Variants in ART3 observed in about 807,000 individuals in gnomAD.
The protein encoded by ART3 is ecto-ADP-ribosyltransferase 3.
ART3 carries 49 observed loss-of-function variants against 48.5 expected under a neutral mutation model. The observed-to-expected ratio is 1.01, with a 90% CI of 0.80 to 1.28. The LOEUF is 1.28. Ranked by LOEUF, ART3 falls within the 50% of genes most tolerant of loss-of-function variation. ART3 has a pLI of 0.00. For missense variants in ART3, 438 were observed against 454.3 expected (o/e 0.96, Z 0.33); for synonymous variants, 145 against 157.2 (o/e 0.92, Z 0.58).
chr4:76,057,805 C>T (rs910267348), intron 1 of ART3, among the ~76,000 whole-genome samples: 4 of 152,146 alleles, frequency 2.6e-5, no homozygotes, highest in Non-Finnish European at 5.9e-5. Flanking sequence ...GCTATATATG[C>T]GCATAGTTTA....
At chr4:76,089,998 T>G (rs367621194) in intron 3 of ART3, among the ~76,000 whole-genome samples, 6 of 152,270 alleles carry the variant, frequency 3.9e-5, no homozygotes, top group African/African-American at 1.4e-4. Flanking sequence ...GAGAATCACT[T>G]GAACCTGGGA....
At chr4:76,053,801 GTA>G (rs1185541068) in intron 1 of ART3, among the ~76,000 whole-genome samples, 15 of 152,122 alleles carry the variant, frequency 9.9e-5, no homozygotes, top group Admixed American at 6.5e-5. Context: ...GCTGTCATTT[GTA>G]TGTATGTGAG....
rs986102878 is a variant in ART3, at chr4:76,084,787, C to T, written c.781+2252C>T. Among the ~76,000 whole-genome samples the T allele has an allele frequency of 2.2e-4, 34 of 152,156 alleles. 1 individual carries two copies. Among genetic ancestry groups the T allele is most frequent in the Non-Finnish European group, 4.4e-5 (3 of 68,036 alleles). On this transcript the variant is annotated intron_variant, in intron 3 of 11. Transcript: ENST00000355810. ...ATAACCCTTGATTGGTAAAGTGCAT[C>T]TGAGCTGGGAGGATTGTGAATGAAC...
At chr4:76,024,502 C>T (rs1733186666) in intron 1 of ART3, among the ~76,000 whole-genome samples, 1 of 152,188 alleles carries the variant, frequency 6.6e-6, no homozygotes, top group Admixed American at 6.5e-5. Context: ...CTTAATTTCA[C>T]AGCATTCAAT....
intron 1 of ART3, chr4:76,034,776 C>T (rs746178066): frequency 1.4e-5 from 21 of 1,509,454 alleles, no homozygotes; most frequent in Admixed American, 1.7e-5. Flanking sequence ...TCCAGGACTT[C>T]ATATGTTTTG....
At chr4:76,060,462 G>T (rs115011984) in intron 1 of ART3, among the ~76,000 whole-genome samples, 2 of 152,046 alleles carry the variant, frequency 1.3e-5, no homozygotes, top group Non-Finnish European at 2.9e-5. Flanking sequence ...CTAAATGCTA[G>T]TGTTCTCTAG....
chr4:76,028,096 C>A (rs1476838466), intron 1 of ART3, among the ~76,000 whole-genome samples: 1 of 152,108 alleles, frequency 6.6e-6, no homozygotes, highest in Non-Finnish European at 1.5e-5. Flanking sequence ...ACGAAGGACC[C>A]TTCTCTTCTT....
chr4:76,019,254 T>C (rs1372656320), intron 1 of ART3, among the ~76,000 whole-genome samples: 2 of 151,666 alleles, frequency 1.3e-5, no homozygotes, highest in Non-Finnish European at 2.9e-5. Context: ...AAAGCAGTAC[T>C]ATTCTGGTGA....
intron 10 of ART3, among the ~76,000 whole-genome samples, chr4:76,106,734 T>C (rs1170767813): frequency 1.3e-5 from 2 of 152,002 alleles, no homozygotes; most frequent in Admixed American, 6.6e-5. Flanking sequence ...TCAAGAGACT[T>C]CCCCCCCACC....
At chr4:76,083,426 ATTAG>A (rs1437155626) in intron 3 of ART3, among the ~76,000 whole-genome samples, 1 of 152,134 alleles carries the variant, frequency 6.6e-6, no homozygotes, top group African/African-American at 2.4e-5. Context: ...TCTACCGTGT[ATTAG>A]TTAAGAATTT....
In ART3 at chr4:76,074,745, T is replaced by C. The variant is rs1018632868; in HGVS notation, c.-84T>C. 1 of 152,184 alleles carries C rather than the reference T, an allele frequency of 6.6e-6. No homozygotes were observed. The highest frequency in any genetic ancestry group is 2.4e-5 in the African/African-American group (1 of 41,440). 9.4% of individuals were successfully genotyped at this position (152,184 alleles called of 1,614,324 possible). ...ACAACATCCCATCCTGAAGACTTGC[T>C]TACCACAACTGAGAGTGGGGAGTCA... is the stretch of plus-strand genomic sequence containing the variant. On this transcript the variant is annotated 5_prime_UTR_variant, in exon 1 of 12. Transcript: ENST00000355810.
At chr4:76,021,036 C>A in intron 1 of ART3, 1 of 152,180 alleles carries the variant, frequency 6.6e-6, no homozygotes, top group Non-Finnish European at 1.5e-5. Flanking sequence ...ATGCCACCTT[C>A]TTCTCCAGGC....
chr4:76,096,928 ATTG>A (rs1434647292), intron 3 of ART3, among the ~76,000 whole-genome samples: 2 of 152,168 alleles, frequency 1.3e-5, no homozygotes, highest in African/African-American at 4.8e-5. Flanking sequence ...AAGGATAGGA[ATTG>A]TTGTAGTAGA....
At chr4:76,025,949 AC>A (rs1259630414) in intron 1 of ART3, among the ~76,000 whole-genome samples, 1 of 152,108 alleles carries the variant, frequency 6.6e-6, no homozygotes, top group Non-Finnish European at 1.5e-5. Flanking sequence ...TATTTAAAAA[AC>A]GTAAGTGATC....
intron 1 of ART3, among the ~76,000 whole-genome samples, chr4:76,014,870 C>T (rs1160460276): frequency 6.6e-6 from 1 of 151,932 alleles, no homozygotes; most frequent in Non-Finnish European, 1.5e-5. Flanking sequence ...TTATCAGAAG[C>T]CAAGGAAGCA....
intron 11 of ART3, 92 bp downstream of exon 11, chr4:76,107,885 A>C (rs1728778387): frequency 1.8e-6 from 2 of 1,100,144 alleles, no homozygotes; most frequent in Non-Finnish European, 2.6e-6. Context: ...AAAGGGAACA[A>C]AGTTGCAAGG....
intron 1 of ART3, among the ~76,000 whole-genome samples, chr4:76,030,906 G>A (rs755172234): frequency 3.9e-5 from 6 of 152,004 alleles, no homozygotes; most frequent in Non-Finnish European, 5.9e-5. Context: ...CTGCTTTCTG[G>A]CTGTTGTGTA....
At chr4:76,028,173 G>GA (rs1295188479) in intron 1 of ART3, among the ~76,000 whole-genome samples, 2 of 90,928 alleles carry the variant, frequency 2.2e-5, no homozygotes, top group Admixed American at 1.4e-4. Context: ...AAATCATTTA[G>GA]AAAAAAAAAA....
intron 3 of ART3, among the ~76,000 whole-genome samples, chr4:76,083,797 T>C (rs1399627648): frequency 5.9e-5 from 9 of 152,218 alleles, no homozygotes; most frequent in Non-Finnish European, 8.8e-5. Context: ...CCAGAGAAGC[T>C]TGGGAAGGGG....
Sources: allele counts gnomAD v4.1 joint callset (sites outside exome capture counted in the v4.1 genomes callset), GRCh38; gene constraint gnomAD v4.1.1; transcripts MANE v1.5; gene names NCBI Gene and HGNC (gene_info 2026-07-23, HGNC 2026-07-21).